CRNKL1: variants seen among roughly 807,000 people sequenced by gnomAD.
CRNKL1 encodes crooked neck pre-mRNA splicing factor 1.
Under a neutral mutation model 103.7 loss-of-function variants are expected in CRNKL1, and 35 were observed. The ratio of observed to expected loss-of-function variants is 0.34; its 90% confidence interval spans 0.26 to 0.45. The LOEUF (loss-of-function observed/expected upper bound fraction) is 0.45. Among genes scored for constraint, CRNKL1 ranks in the 20% least tolerant of loss-of-function variants. The pLI is 1.00. For synonymous variants in CRNKL1, 267 were observed against 282.6 expected, an observed-to-expected ratio of 0.94 and a Z score of 0.55; for missense variants, 645 against 836.0, an observed-to-expected ratio of 0.77 and a Z score of 2.82.
At chr20:20,046,416 C>G (rs1263847124) in intron 5 of CRNKL1, among the ~76,000 whole-genome samples, 1 of 152,112 alleles carries the variant, frequency 6.6e-6, no homozygotes, top group Non-Finnish European at 1.5e-5. Flanking sequence ...ATTGTCACCT[C>G]AACAGAGAAG....
rs768756012 is a variant in CRNKL1 at position 20,047,881 on chromosome 20, C to T, written c.506G>A (p.Arg169Gln). ...EEMLGNVAGA[R>Q]QVFERWMEWQ... Reference sequence around the variant, plus strand: ...CTCCATCCAGCGCTCAAACACCTGCCGGGCACCGGCAACGTTTCCCAACAT... The same window carrying T: ...CTCCATCCAGCGCTCAAACACCTGCTGGGCACCGGCAACGTTTCCCAACAT... The change falls in exon 5 of 14, where the codon CGG (arginine) becomes CAG (glutamine). Residue 169 changes from arginine (R) to glutamine (Q), a missense_variant. Around this residue, in one of 2 missense-constraint regions of CRNKL1, gnomAD observed 582 missense variants for 707.7 expected, o/e 0.82. Coordinates refer to ENST00000536226, the MANE Select transcript of CRNKL1 (RefSeq NM_001278628.2). 2.8e-5 allele frequency: 46 copies of T among 1,614,122 alleles called. No individual in the cohort carries two copies. The highest frequency in any genetic ancestry group is 6.7e-5 in the African/African-American group (5 of 74,942).
Position 20,036,108 on chromosome 20 carries a change from TGAAATATATAA to T in CRNKL1, c.*76_*86del, listed in dbSNP as rs1183494182. ...AAGATACCAATCAATTTCTTACTGGTGAAATATATAAGAACTTCCAGGAGTCACAAGAGTTC... is the reference window on the plus strand; with the variant it reads ...AAGATACCAATCAATTTCTTACTGGTGAACTTCCAGGAGTCACAAGAGTTC... On this transcript the variant is annotated 3_prime_UTR_variant, in exon 14 of 14. Coordinates refer to ENST00000536226, the MANE Select transcript of CRNKL1 (RefSeq NM_001278628.2). 2.3e-6 allele frequency: 3 copies of T among 1,329,368 alleles called. No homozygotes were observed. In the Admixed American group the frequency reaches 6.9e-5, roughly 30 times the overall value. The allele number at this position is 1,329,368 out of a possible 1,614,324, so 82.3% of individuals were successfully genotyped here. A position where few individuals can be genotyped will look rare whatever the true frequency, so the allele number is the denominator to read the frequency against.
At chr20:20,052,625 A>G (rs776812300), upstream of CRNKL1, 2 of 1,613,536 alleles carry the variant, frequency 1.2e-6, no homozygotes, top group South Asian at 1.1e-5. Flanking sequence ...CAGCGACGCA[A>G]GGACTGCGGT....
At chr20:20,044,264 C>A (rs2043560150) in intron 6 of CRNKL1, among the ~76,000 whole-genome samples, 1 of 152,202 alleles carries the variant, frequency 6.6e-6, no homozygotes, top group Non-Finnish European at 1.5e-5. Context: ...AAATATAAAT[C>A]ATATCCAATC....
At chr20:20,045,051 G>A (rs1032354024) in intron 6 of CRNKL1, among the ~76,000 whole-genome samples, 1 of 151,978 alleles carries the variant, frequency 6.6e-6, no homozygotes, top group Admixed American at 6.6e-5. Flanking sequence ...CTCAGTTTAC[G>A]GGCATTCAGA....
At chr20:20,048,559 T>C (rs1011598752) in intron 3 of CRNKL1, 58 bp from the exon 4 acceptor site, 1 of 1,557,608 alleles carries the variant, frequency 6.4e-7, no homozygotes, top group Non-Finnish European at 8.8e-7. Context: ...ATGTAGCAGT[T>C]ATTTCAAACT....
intron 11 of CRNKL1, among the ~76,000 whole-genome samples, 171 bp downstream of exon 11, chr20:20,039,438 T>C (rs567566321): frequency 2.0e-5 from 3 of 152,290 alleles, no homozygotes; most frequent in African/African-American, 7.2e-5. Flanking sequence ...AGAGGGCTAC[T>C]TCCCCTGTCC....
At chr20:20,045,905 A>C (rs1012277405) in intron 5 of CRNKL1, among the ~76,000 whole-genome samples, 1 of 152,208 alleles carries the variant, frequency 6.6e-6, no homozygotes, top group African/African-American at 2.4e-5. Flanking sequence ...CCCTTAGCAC[A>C]GTTTCTAGCC....
intron 10 of CRNKL1, among the ~76,000 whole-genome samples, chr20:20,040,222 G>A (rs1198279787): frequency 6.6e-6 from 1 of 151,928 alleles, no homozygotes; most frequent in Admixed American, 6.6e-5. Flanking sequence ...CAACATGGGA[G>A]GATCATTTCC....
chr20:20,049,308 T>C lies in CRNKL1; in HGVS notation c.296+32A>G, dbSNP rs761286704. 22 of 1,130,904 alleles carry C rather than the reference T, an allele frequency of 1.9e-5. No individual in the cohort carries two copies. In the East Asian group the frequency reaches 3.3e-4, roughly 17 times the overall value. The allele number at this position is 1,130,904 out of a possible 1,614,324, so 70.1% of individuals were successfully genotyped here. On this transcript the variant is annotated intron_variant, in intron 3 of 13. Transcript: ENST00000536226. ...TGGTATCTGTTAATCTATGAATCATTATATACAAAACTACACTCTCAGTAA... is the reference window on the plus strand; with the variant it reads ...TGGTATCTGTTAATCTATGAATCATCATATACAAAACTACACTCTCAGTAA...
At chr20:20,045,216 G>T in intron 6 of CRNKL1, 92 bp downstream of exon 6, 2 of 1,066,106 alleles carry the variant, frequency 1.9e-6, no homozygotes, top group Non-Finnish European at 2.7e-6. Flanking sequence ...CCAGGGATAT[G>T]TCAGTAAGAA....
At chr20:20,045,177 C>T in intron 6 of CRNKL1, 131 bp downstream of exon 6, 1 of 686,902 alleles carries the variant, frequency 1.5e-6, no homozygotes, top group Non-Finnish European at 2.4e-6. Context: ...CTGTGAGAAG[C>T]TGTGTTTTTG....
chr20:20,048,340 T>C lies in CRNKL1; in HGVS notation c.455+3A>G. On this transcript the variant is annotated splice_donor_region_variant and intron_variant, in intron 4 of 13. Coordinates refer to ENST00000536226, the MANE Select transcript of CRNKL1 (RefSeq NM_001278628.2). Reference sequence around the variant, plus strand: ...AGGCTGTTTTGTTAGATCAGAAACTTACCAGAACTGATTAACTCGAGGCAG... The same window carrying C: ...AGGCTGTTTTGTTAGATCAGAAACTCACCAGAACTGATTAACTCGAGGCAG... 1 of 1,614,194 alleles carries C rather than the reference T, an allele frequency of 6.2e-7. No homozygotes were observed. Among genetic ancestry groups the C allele is most frequent in the Non-Finnish European group, 8.5e-7 (1 of 1,180,022 alleles).
At chr20:20,052,491 G>A (rs767166892), upstream of CRNKL1, 1 of 1,614,228 alleles carries the variant, frequency 6.2e-7, no homozygotes, top group Admixed American at 1.7e-5. Context: ...TTGACCTCTC[G>A]CTTGAGCCGT....
chr20:20,050,139 A>G (rs1279313560), intron 2 of CRNKL1, among the ~76,000 whole-genome samples: 1 of 152,232 alleles, frequency 6.6e-6, no homozygotes, highest in African/African-American at 2.4e-5. Context: ...TTAACACAGA[A>G]GGTGGTATAG....
chr20:20,050,811 G>A (rs1327802447), intron 1 of CRNKL1, among the ~76,000 whole-genome samples, 189 bp from the exon 2 acceptor site: 1 of 152,042 alleles, frequency 6.6e-6, no homozygotes, highest in Non-Finnish European at 1.5e-5. Flanking sequence ...CTTATTCATA[G>A]TATCTACTGC....
At position 20,043,536 on chromosome 20, in the gene CRNKL1, T is replaced by A; in HGVS notation, c.928A>T (p.Ile310Phe). 6.2e-7 allele frequency: 1 copy of A among 1,614,130 alleles called. No homozygotes were observed. The change falls in exon 7 of 14, where the codon ATC becomes TTC. Residue 310 changes from isoleucine (I) to phenylalanine (F), a missense_variant. Physicochemically the swap from Ile to Phe is conservative, Grantham distance 21. Coordinates refer to ENST00000536226, the MANE Select transcript of CRNKL1 (RefSeq NM_001278628.2). ...KFGDRRGIED[I>F]IVSKRRFQYE... ...TGGAATCTCCGTTTGCTCACAATGATATCTTCAATACCCCGCCTATCACCA... is the reference window on the plus strand; with the variant it reads ...TGGAATCTCCGTTTGCTCACAATGAAATCTTCAATACCCCGCCTATCACCA...
In CRNKL1 at chr20:20,050,475, T is replaced by G. The variant is rs2043672521; in HGVS notation, c.199A>C (p.Arg67=). The change falls in exon 2 of 14, where the codon AGG becomes CGG. Residue 67 remains arginine, a synonymous_variant. Transcript: ENST00000536226. ...EELNDYKLRK[R]KTFEDNIRKN... is the part of the protein sequence containing the mutation. ...AAGATACCACACTGACTGACCTTCC[T>G]TTTCCTTAGTTTATAATCATTTAAT... The G allele has an allele frequency of 1.2e-5, 19 of 1,612,720 alleles. No individual in the cohort carries two copies. Among genetic ancestry groups the G allele is most frequent in the Non-Finnish European group, 1.6e-5 (19 of 1,179,500 alleles).
chr20:20,047,780 T>G lies in CRNKL1; in HGVS notation c.607A>C (p.Thr203Pro). 6.2e-7 allele frequency: 1 copy of G among 1,614,198 alleles called. No individual in the cohort carries two copies. Among genetic ancestry groups the G allele is most frequent in the Non-Finnish European group, 8.5e-7 (1 of 1,180,036 alleles). The change falls in exon 5 of 14, where the codon ACC becomes CCC. Residue 203 changes from threonine to proline, a missense_variant. Around this residue, in one of 2 missense-constraint regions of CRNKL1, gnomAD observed 582 missense variants for 707.7 expected, o/e 0.82. Coordinates refer to ENST00000536226, the MANE Select transcript of CRNKL1 (RefSeq NM_001278628.2). Reference sequence around the variant, plus strand: ...CAAAGGATATATCGCTCATAAATGGTGCGGGCCCGATCCACCTCTTTGTAT... The same window carrying G: ...CAAAGGATATATCGCTCATAAATGGGGCGGGCCCGATCCACCTCTTTGTAT... ...LRYKEVDRARTIYERFVLVHP... is the reference protein window; with the variant it reads ...LRYKEVDRARPIYERFVLVHP...
Sources: allele counts gnomAD v4.1 joint callset (sites outside exome capture counted in the v4.1 genomes callset), GRCh38; gene constraint gnomAD v4.1.1; regional missense constraint gnomAD v4.1.1; transcripts MANE v1.5; gene names NCBI Gene and HGNC (gene_info 2026-07-23, HGNC 2026-07-21).